NOS2: variants seen among roughly 807,000 people sequenced by gnomAD.
The protein encoded by NOS2 is nitric oxide synthase, inducible.
NOS2 carries 96 observed loss-of-function variants against 136.0 expected under a neutral mutation model. The observed-to-expected ratio is 0.71, with a 90% CI of 0.60 to 0.84. The LOEUF (loss-of-function observed/expected upper bound fraction) is 0.84, where lower values mean the gene tolerates loss of function less well. Ranked by LOEUF, NOS2 falls within the 40% of genes least tolerant of loss-of-function variation. The pLI is 0.00. For synonymous variants in NOS2, 539 were observed against 587.5 expected, an observed-to-expected ratio of 0.92 and a Z score of 1.20; for missense variants, 1,237 against 1,496.9, an observed-to-expected ratio of 0.83 and a Z score of 2.87.
rs370767459 is a variant in NOS2 at position 27,772,415 on chromosome 17, T to C, written c.1597A>G (p.Met533Val). The change falls in exon 14 of 27, where the codon ATG becomes GTG. Residue 533 changes from methionine to valine, a missense_variant. By Grantham distance (21) the Met-to-Val change is conservative. Around this residue, in one of 3 missense-constraint regions of NOS2, gnomAD observed 782 missense variants for 909.9 expected, o/e 0.86. Coordinates refer to ENST00000313735, the MANE Select transcript of NOS2 (RefSeq NM_000625.4). ...ATGGTGACTCTGACTCGGGACGCCA[T>C]TGTCTTGCGCATCAGCATACAGGCA... is the stretch of plus-strand genomic sequence containing the variant. ...LFACMLMRKT[M>V]ASRVRVTILF... is the part of the protein sequence containing the mutation. 7 of 1,613,922 alleles carry C rather than the reference T, an allele frequency of 4.3e-6. No homozygotes were observed. Among genetic ancestry groups the C allele is most frequent in the Non-Finnish European group, 5.9e-6 (7 of 1,180,030 alleles).
intron 22 of NOS2, among the ~76,000 whole-genome samples, chr17:27,762,481 G>T (rs1472147747): frequency 6.6e-6 from 1 of 152,206 alleles, no homozygotes; most frequent in Non-Finnish European, 1.5e-5. Context: ...AGTGGTGGAG[G>T]ACTTGGACTC....
At chr17:27,772,677 C>A (rs966412926) in intron 13 of NOS2, among the ~76,000 whole-genome samples, 2 of 152,152 alleles carry the variant, frequency 1.3e-5, no homozygotes, top group Non-Finnish European at 2.9e-5. Context: ...AAGGTTGGAA[C>A]AATGGCAGCA....
chr17:27,780,864 C>A lies in NOS2; in HGVS notation c.907G>T (p.Asp303Tyr). 1.9e-6 allele frequency: 3 copies of A among 1,614,084 alleles called. No individual in the cohort carries two copies. Among genetic ancestry groups the A allele is most frequent in the Non-Finnish European group, 2.5e-6 (3 of 1,179,978 alleles). ...LGWKPKYGRF[D>Y]VVPLVLQANG... is the part of the protein sequence containing the mutation. ...GCCTGCAGGACCAGGGGGACCACAT[C>A]GAAGCGGCCGTACTTGGGCTTCCAG... Residue 303 changes from aspartate (D) to tyrosine (Y), a missense_variant, in exon 9 of 27, where the codon GAT (aspartate) becomes TAT (tyrosine). This residue lies in a region of NOS2 where 440 missense variants were observed against 545.4 expected (regional missense o/e 0.81). Transcript: ENST00000313735.
intron 22 of NOS2, among the ~76,000 whole-genome samples, chr17:27,762,467 G>A (rs543038516): frequency 6.6e-6 from 1 of 152,356 alleles, no homozygotes; most frequent in Admixed American, 6.5e-5. Context: ...TAGTGGGACA[G>A]TGGAGTGGTG....
intron 26 of NOS2, among the ~76,000 whole-genome samples, chr17:27,758,307 C>T (rs1413806029): frequency 6.6e-6 from 1 of 152,122 alleles, no homozygotes; most frequent in Non-Finnish European, 1.5e-5. Context: ...CCCCGTAGGC[C>T]CCCTTCCCTC....
chr17:27,763,161 C>G (rs548757040), intron 21 of NOS2, among the ~76,000 whole-genome samples, 156 bp from the exon 22 acceptor site: 59 of 152,334 alleles, frequency 3.9e-4, no homozygotes, highest in Admixed American at 7.8e-4. Context: ...AAACTTGAGA[C>G]AAAATAAGTG....
chr17:27,798,319 T>C (rs1234082387), intron 2 of NOS2, among the ~76,000 whole-genome samples: 1 of 152,178 alleles, frequency 6.6e-6, no homozygotes, highest in Non-Finnish European at 1.5e-5. Context: ...TCAAAGCATC[T>C]AGCAAGCGGT....
chr17:27,794,199 C>T (rs1909282736), intron 2 of NOS2, among the ~76,000 whole-genome samples: 1 of 152,130 alleles, frequency 6.6e-6, no homozygotes, highest in Admixed American at 6.5e-5. Context: ...GACCACAGCC[C>T]AGCCTAAGCT....
At chr17:27,780,334 T>C (rs981491137) in intron 9 of NOS2, among the ~76,000 whole-genome samples, 3 of 152,208 alleles carry the variant, frequency 2.0e-5, no homozygotes, top group African/African-American at 7.2e-5. Flanking sequence ...TTTGCAATTA[T>C]GAGAACTGCC....
At position 27,798,770 on chromosome 17, in the gene NOS2, G is replaced by A. The variant is rs1230787877; in HGVS notation, c.40C>T (p.His14Tyr). 1.2e-6 allele frequency: 2 copies of A among 1,614,080 alleles called. No homozygotes were observed. Among genetic ancestry groups the A allele is most frequent in the Non-Finnish European group, 1.7e-6 (2 of 1,179,926 alleles). ...TTTTCCCCATTCATTGCATACTGGT[G>A]GAATTTGGTCTTGAACAGAAATTTC... The part of the protein sequence containing the change: ...PWKFLFKTKF[H>Y]QYAMNGEKDI... The change falls in exon 2 of 27, where the codon CAC becomes TAC. Residue 14 changes from histidine (H) to tyrosine (Y), a missense_variant. Transcript: ENST00000313735.
At chr17:27,758,553 CCT>C (rs555774126) in intron 26 of NOS2, among the ~76,000 whole-genome samples, 92 of 152,302 alleles carry the variant, frequency 6.0e-4, no homozygotes, top group African/African-American at 1.6e-3. Context: ...CTTGCTCTCC[CCT>C]GTGTTCACAG....
chr17:27,775,340 A>G (rs1429688204), intron 11 of NOS2, among the ~76,000 whole-genome samples: 2 of 152,028 alleles, frequency 1.3e-5, no homozygotes, highest in Non-Finnish European at 2.9e-5. Context: ...GCTTACACCT[A>G]TAATCCCAGC....
rs1907953305 is a variant in NOS2, at chr17:27,757,197, C to CTAA, written c.*48_*49insTTA. On this transcript the variant is annotated 3_prime_UTR_variant, in exon 27 of 27. Coordinates refer to ENST00000313735, the MANE Select transcript of NOS2 (RefSeq NM_000625.4). ...GTGACCTCAGATAATGCAGAGCTGG[C>CTAA]TCCATCCTTAAGTTCTGTGCCGGCA... is the stretch of plus-strand genomic sequence containing the variant. The CTAA allele has an allele frequency of 1.4e-6, 2 of 1,466,786 alleles. No individual in the cohort carries two copies. Among genetic ancestry groups the CTAA allele is most frequent in the African/African-American group, 1.4e-5 (1 of 71,828 alleles). The allele number at this position is 1,466,786 out of a possible 1,614,324, so 90.9% of individuals were successfully genotyped here. A position where few individuals can be genotyped will look rare whatever the true frequency, so the allele number is the denominator to read the frequency against.
At chr17:27,768,121 C>T (rs1908368867) in intron 17 of NOS2, among the ~76,000 whole-genome samples, 1 of 152,074 alleles carries the variant, frequency 6.6e-6, no homozygotes. Flanking sequence ...GCCATCATAG[C>T]TCACTGAAGC....
In NOS2 at chr17:27,793,631, T is replaced by C. The variant is rs952429299; in HGVS notation, c.111-3943A>G. On this transcript the variant is annotated intron_variant, in intron 2 of 26. Coordinates refer to ENST00000313735, the MANE Select transcript of NOS2 (RefSeq NM_000625.4). Reference sequence around the variant, plus strand: ...CAGTCAGGCTTCGGCCGGAGGATCCTGCAGAGCAGCCTGCACAGCCGGGGC... The same window carrying C: ...CAGTCAGGCTTCGGCCGGAGGATCCCGCAGAGCAGCCTGCACAGCCGGGGC... 6 of 397,526 alleles carry C rather than the reference T, an allele frequency of 1.5e-5. No homozygotes were observed. The Admixed American group carries it at 1.8e-4, about 12-fold the overall frequency. The allele number at this position is 397,526 out of a possible 1,614,324, so 24.6% of individuals were successfully genotyped here.
chr17:27,771,231 A>C (rs914236290), intron 14 of NOS2, among the ~76,000 whole-genome samples: 1 of 152,364 alleles, frequency 6.6e-6, no homozygotes. Context: ...CTTAAGCCCT[A>C]TGGTTAACAC....
At chr17:27,771,777 GTGTA>G (rs1908503936) in intron 14 of NOS2, among the ~76,000 whole-genome samples, 1 of 152,242 alleles carries the variant, frequency 6.6e-6, no homozygotes, top group Non-Finnish European at 1.5e-5. Flanking sequence ...GGAGGGTGGG[GTGTA>G]TGCTGGAGAG....
intron 26 of NOS2, 134 bp from the exon 27 acceptor site, chr17:27,757,487 A>G: frequency 2.7e-6 from 2 of 742,380 alleles, no homozygotes. Context: ...TTGTGCTTGA[A>G]TCTGGTTTAG....
Position 27,773,772 on chromosome 17 carries a change from G to T in NOS2, c.1476+485C>A, listed in dbSNP as rs576751674. Among the ~76,000 whole-genome samples the T allele has an allele frequency of 5.9e-5, 9 of 152,324 alleles. No homozygotes were observed. The South Asian group carries it at 1.9e-3, about 32-fold the overall frequency. ...AGCTCATGGTTACTGAATGCATTCT[G>T]CATTGGGCACTGGGCTGAGCTGTTC... On this transcript the variant is annotated intron_variant, in intron 12 of 26. Transcript: ENST00000313735.
Sources: gnomAD v4.1 joint callset for allele counts (sites outside exome capture counted in the v4.1 genomes callset) on GRCh38, gnomAD v4.1.1 for gene constraint, gnomAD v4.1.1 regional missense constraint, MANE v1.5 for transcripts, NCBI Gene and HGNC (gene_info 2026-07-23, HGNC 2026-07-21) for gene names.